The following FARP2 variants were observed in gnomAD, a reference collection of about 807,000 sequenced individuals.
The protein encoded by FARP2 is FERM, ARHGEF and pleckstrin domain-containing protein 2.
FARP2 carries 111 observed loss-of-function variants against 130.5 expected under a neutral mutation model. The observed-to-expected ratio is 0.85, with a 90% confidence interval of 0.73 to 1.00. The LOEUF is 1.00. FARP2 is among the 50% of genes least tolerant of loss of function. FARP2 has a pLI of 0.00. For missense variants in FARP2, 1,385 were observed against 1,346.3 expected (o/e 1.03, Z -0.45); for synonymous variants, 504 against 516.9 (o/e 0.98, Z 0.34).
At chr2:241,470,199 T>A (rs1265120519) in intron 18 of FARP2, among the ~76,000 whole-genome samples, 1 of 152,258 alleles carries the variant, frequency 6.6e-6, no homozygotes, top group Admixed American at 6.5e-5. Flanking sequence ...AGGGAGTACA[T>A]TTGTTGGGGC....
chr2:241,361,104 A>G (rs1477545001), intron 1 of FARP2, among the ~76,000 whole-genome samples: 1 of 151,924 alleles, frequency 6.6e-6, no homozygotes, highest in Non-Finnish European at 1.5e-5. Flanking sequence ...TAACTGATCT[A>G]TTCGCTTATA....
At chr2:241,480,711 G>C in intron 19 of FARP2, among the ~76,000 whole-genome samples, 1 of 152,176 alleles carries the variant, frequency 6.6e-6, no homozygotes, top group South Asian at 2.1e-4. Flanking sequence ...AAGGAAGAAA[G>C]AAAGAAAGCC....
At chr2:241,436,249 G>A (rs1478603272) in intron 11 of FARP2, among the ~76,000 whole-genome samples, 1 of 152,002 alleles carries the variant, frequency 6.6e-6, no homozygotes, top group African/African-American at 2.4e-5. Context: ...TTGTTTCTCC[G>A]CACGTGGAAT....
intron 2 of FARP2, among the ~76,000 whole-genome samples, chr2:241,386,564 G>A (rs1056359541): frequency 6.6e-6 from 1 of 152,222 alleles, no homozygotes; most frequent in African/African-American, 2.4e-5. Context: ...CAAAGGGAAA[G>A]GGGAGGTTTG....
intron 1 of FARP2, among the ~76,000 whole-genome samples, chr2:241,371,088 G>A (rs770929973): frequency 3.9e-5 from 6 of 152,204 alleles, no homozygotes; most frequent in South Asian, 4.1e-4. Flanking sequence ...TAAATTGGAC[G>A]TGTGCAGAAG....
At chr2:241,452,294 C>T (rs1049324764) in intron 13 of FARP2, among the ~76,000 whole-genome samples, 1 of 152,120 alleles carries the variant, frequency 6.6e-6, no homozygotes, top group Non-Finnish European at 1.5e-5. Flanking sequence ...AAACCTGTTC[C>T]CCAGGGATAA....
intron 4 of FARP2, among the ~76,000 whole-genome samples, chr2:241,406,716 C>T (rs547288570): frequency 1.8e-4 from 27 of 152,140 alleles, no homozygotes; most frequent in African/African-American, 6.0e-4. Flanking sequence ...CACCAGCCTC[C>T]GCCTCCCAAA....
intron 3 of FARP2, among the ~76,000 whole-genome samples, chr2:241,404,296 A>C (rs75817306): frequency 6.6e-6 from 1 of 152,220 alleles, no homozygotes; most frequent in South Asian, 2.1e-4. Flanking sequence ...TTATAGATAG[A>C]ACTGTTTTAA....
At chr2:241,406,176 G>C (rs979622557) in intron 4 of FARP2, among the ~76,000 whole-genome samples, 4 of 149,434 alleles carry the variant, frequency 2.7e-5, no homozygotes, top group South Asian at 2.1e-4. Flanking sequence ...GGCATGGTGG[G>C]GGGCGCCTGT....
intron 9 of FARP2, among the ~76,000 whole-genome samples, chr2:241,433,058 G>A (rs1273003958): frequency 6.6e-6 from 1 of 152,096 alleles, no homozygotes; most frequent in African/African-American, 2.4e-5. Flanking sequence ...CTGTCCTGTG[G>A]ATGAAGGGGA....
At chr2:241,424,126 C>T (rs1212568824) in intron 8 of FARP2, among the ~76,000 whole-genome samples, 2 of 152,178 alleles carry the variant, frequency 1.3e-5, no homozygotes, top group Non-Finnish European at 2.9e-5. Context: ...TAGATAGCTA[C>T]AGAACTGTCC....
intron 2 of FARP2, among the ~76,000 whole-genome samples, chr2:241,376,116 C>G (rs1459298093): frequency 1.3e-5 from 2 of 152,168 alleles, no homozygotes; most frequent in South Asian, 2.1e-4. Flanking sequence ...GTTGGGCAAC[C>G]TGGGATTGCC....
chr2:241,468,365 G>T lies in FARP2; in HGVS notation c.2119G>T (p.Ala707Ser), dbSNP rs141525988. 4 of 1,610,084 alleles carry T rather than the reference G, an allele frequency of 2.5e-6. No homozygotes were observed. The highest frequency in any genetic ancestry group is 3.4e-6 in the Non-Finnish European group (4 of 1,177,506). Residue 707 changes from alanine to serine, a missense_variant, in exon 18 of 27, where the codon GCT (alanine) becomes TCT (serine). Physicochemically the swap from Ala to Ser is moderately conservative, Grantham distance 99. Transcript: ENST00000264042. ...TTACAGCCCCGGGCACCATGACTACGCTGACTGCCATGGTGAGTGTGGGTG... is the reference window on the plus strand; with the variant it reads ...TTACAGCCCCGGGCACCATGACTACTCTGACTGCCATGGTGAGTGTGGGTG... ...GHYSPGHHDYADCHDALKAIT... is the reference protein window; with the variant it reads ...GHYSPGHHDYSDCHDALKAIT...
rs976454646 is a variant in FARP2 at position 241,483,691 on chromosome 2, AG to A, written c.2331+162del. On this transcript the variant is annotated intron_variant, in intron 20 of 26. Transcript: ENST00000264042. ...GGTAGCGTTGGAGTCAGACAGGGCC[AG>A]GGGAGGGTCACAGAGTGGGAAGAAG... 2.2e-5 allele frequency: 17 copies of A among 758,484 alleles called. No homozygotes were observed. The African/African-American group carries it at 2.9e-4, about 13-fold the overall frequency. The allele number at this position is 758,484 out of a possible 1,614,324, so 47.0% of individuals were successfully genotyped here.
chr2:241,463,116 A>C (rs536292078), intron 15 of FARP2, among the ~76,000 whole-genome samples: 1 of 152,222 alleles, frequency 6.6e-6, no homozygotes, highest in African/African-American at 2.4e-5. Context: ...ATAAAGCTGC[A>C]AAGTGTCCAT....
rs544227118 is a variant in FARP2, at chr2:241,475,493, C to G, written c.2132-364C>G. Among the ~76,000 whole-genome samples, 112 of 152,340 alleles carry G rather than the reference C, an allele frequency of 7.4e-4. No individual in the cohort carries two copies. In the Middle Eastern group the frequency reaches 0.02, roughly 28 times the overall value. On this transcript the variant is annotated intron_variant, in intron 18 of 26. Coordinates refer to ENST00000264042, the MANE Select transcript of FARP2 (RefSeq NM_014808.4). The surrounding 1 kb of genome is among the most constrained non-coding windows in gnomAD (Gnocchi z 4.4). ...GCTTGCATTACCACCTGAGCTCCTC[C>G]TCCTGTCAGATCAGCAGCAACATTA...
At chr2:241,399,178 C>T (rs1241573436) in intron 2 of FARP2, among the ~76,000 whole-genome samples, 1 of 152,200 alleles carries the variant, frequency 6.6e-6, no homozygotes, top group African/African-American at 2.4e-5. Context: ...GTTTATTGGA[C>T]ATTTGAATAT....
rs551297413 is a variant in FARP2 at position 241,388,862 on chromosome 2, T to C, written c.184-14966T>C. ...TCTCTAATGCTATGGACTAGGTGTT[T>C]GTGTTCTCCCAAAAGTTTTGTATTG... On this transcript the variant is annotated intron_variant, in intron 2 of 26. Coordinates refer to ENST00000264042, the MANE Select transcript of FARP2 (RefSeq NM_014808.4). 5.3e-5 allele frequency among the ~76,000 whole-genome samples: 8 copies of C among 151,992 alleles called. No individual in the cohort carries two copies. The South Asian group carries it at 1.7e-3, about 32-fold the overall frequency.
intron 8 of FARP2, among the ~76,000 whole-genome samples, chr2:241,425,424 G>A (rs141288975): frequency 3.3e-5 from 5 of 152,116 alleles, no homozygotes; most frequent in Admixed American, 6.5e-5. Flanking sequence ...AAATTTTGCA[G>A]TCTATCCATC....
Sources: gnomAD v4.1 joint callset for allele counts (sites outside exome capture counted in the v4.1 genomes callset) on GRCh38, gnomAD v4.1.1 for gene constraint, Gnocchi (gnomAD v3.1) non-coding constraint, MANE v1.5 for transcripts, NCBI Gene and HGNC (gene_info 2026-07-23, HGNC 2026-07-21) for gene names.